SH3BGRL2: variants seen among roughly 807,000 people sequenced by gnomAD.
The protein encoded by SH3BGRL2 is SH3 domain-binding glutamic acid-rich-like protein 2.
SH3BGRL2 carries 21 observed loss-of-function variants against 14.8 expected under a neutral mutation model. The ratio of observed to expected loss-of-function variants is 1.42; its 90% CI spans 1.01 to 2.05. The LOEUF (loss-of-function observed/expected upper bound fraction) is 2.05, where lower values mean the gene tolerates loss of function less well. SH3BGRL2 is among the 30% of genes most tolerant of loss of function. SH3BGRL2 has a pLI of 0.00. For synonymous variants in SH3BGRL2, 50 were observed against 47.8 expected (o/e 1.05, Z -0.19); for missense variants, 147 against 130.8 (o/e 1.12, Z -0.61).
intron 1 of SH3BGRL2, among the ~76,000 whole-genome samples, chr6:79,638,822 T>G (rs1768976846): frequency 6.6e-6 from 1 of 152,212 alleles, no homozygotes; most frequent in Non-Finnish European, 1.5e-5. Flanking sequence ...TTTGGGTTCC[T>G]TGTATATTTT....
chr6:79,578,621 T>C, the SH3BGRL2 span, among the ~76,000 whole-genome samples: 1 of 152,054 alleles, frequency 6.6e-6, no homozygotes, highest in East Asian at 1.9e-4. Flanking sequence ...AAAAAGGCCA[T>C]CTACACCAGC....
At chr6:79,660,355 G>T (rs1769518062) in intron 1 of SH3BGRL2, among the ~76,000 whole-genome samples, 1 of 152,210 alleles carries the variant, frequency 6.6e-6, no homozygotes, top group Non-Finnish European at 1.5e-5. Context: ...GTGAAGGGCT[G>T]TTGAATTTTG....
chr6:79,649,254 G>A (rs1046313977), intron 1 of SH3BGRL2, among the ~76,000 whole-genome samples: 3 of 152,146 alleles, frequency 2.0e-5, no homozygotes. Flanking sequence ...GGGAATGTCA[G>A]CACACCACAT....
chr6:79,662,151 G>C (rs1388284823), intron 1 of SH3BGRL2, among the ~76,000 whole-genome samples: 4 of 152,016 alleles, frequency 2.6e-5, no homozygotes, highest in Non-Finnish European at 5.9e-5. Context: ...TTACATTTAA[G>C]GTTAATATTG....
At chr6:79,659,779 T>A (rs9361544) in intron 1 of SH3BGRL2, among the ~76,000 whole-genome samples, 1 of 152,122 alleles carries the variant, frequency 6.6e-6, no homozygotes, top group Admixed American at 6.6e-5. Context: ...GAGCATGGAA[T>A]GTTTTTTCAT....
At chr6:79,547,547 G>A in the SH3BGRL2 span, among the ~76,000 whole-genome samples, 2 of 152,036 alleles carry the variant, frequency 1.3e-5, no homozygotes, top group African/African-American at 2.4e-5. Flanking sequence ...AAGGGCCATC[G>A]CGTAAGAAGC....
intron 2 of SH3BGRL2, among the ~76,000 whole-genome samples, chr6:79,677,115 A>G (rs1278980390): frequency 6.6e-6 from 1 of 152,180 alleles, no homozygotes; most frequent in African/African-American, 2.4e-5. Flanking sequence ...TTAGAGGGCA[A>G]CTAACCACAG....
intron 2 of SH3BGRL2, among the ~76,000 whole-genome samples, chr6:79,676,142 C>T (rs1769878324): frequency 6.6e-6 from 1 of 152,186 alleles, no homozygotes; most frequent in East Asian, 1.9e-4. Flanking sequence ...CTCTGCCTGG[C>T]TATTGGAGTT....
intron 2 of SH3BGRL2, among the ~76,000 whole-genome samples, chr6:79,674,063 A>G (rs1387678281): frequency 6.6e-6 from 1 of 151,334 alleles, no homozygotes; most frequent in Non-Finnish European, 1.5e-5. Context: ...CTTTGGAAAC[A>G]GAAGTAGGAA....
At chr6:79,636,061 G>A (rs62413424) in intron 1 of SH3BGRL2, among the ~76,000 whole-genome samples, 120 of 152,272 alleles carry the variant, frequency 7.9e-4, no homozygotes, top group Non-Finnish European at 1.4e-3. Context: ...CTAATAACAC[G>A]AATGAGAGTA....
At chr6:79,679,988 A>G (rs1321696697) in intron 2 of SH3BGRL2, among the ~76,000 whole-genome samples, 1 of 152,138 alleles carries the variant, frequency 6.6e-6, no homozygotes, top group African/African-American at 2.4e-5. Flanking sequence ...GTAATCCCTT[A>G]TCAGCTATCT....
intron 1 of SH3BGRL2, among the ~76,000 whole-genome samples, chr6:79,637,691 TA>T (rs906737688): frequency 2.4e-3 from 319 of 134,826 alleles, no homozygotes; most frequent in Middle Eastern, 7.6e-3. Context: ...AAACTCCTTC[TA>T]AAAAAAAAAA....
chr6:79,608,357 A>C, the SH3BGRL2 span, among the ~76,000 whole-genome samples: 1 of 152,202 alleles, frequency 6.6e-6, no homozygotes, highest in Non-Finnish European at 1.5e-5. Context: ...CAGCACCTGG[A>C]CCAAGATGTA....
At chr6:79,594,688 C>A in the SH3BGRL2 span, among the ~76,000 whole-genome samples, 1 of 152,112 alleles carries the variant, frequency 6.6e-6, no homozygotes, top group Non-Finnish European at 1.5e-5. Flanking sequence ...TTATCAGGAG[C>A]TCCTCAAGAG....
the SH3BGRL2 span, among the ~76,000 whole-genome samples, chr6:79,538,018 GTT>G: frequency 1.3e-3 from 59 of 44,134 alleles, no homozygotes; most frequent in African/African-American, 3.7e-3. Flanking sequence ...TTGCACACAA[GTT>G]TTTTTTTTTT....
chr6:79,686,056 C>A (rs1314798785), intron 2 of SH3BGRL2, among the ~76,000 whole-genome samples: 1 of 152,164 alleles, frequency 6.6e-6, no homozygotes, highest in Non-Finnish European at 1.5e-5. Flanking sequence ...AGATTTAAAA[C>A]CAAGTTCCCC....
At position 79,699,533 on chromosome 6, in the gene SH3BGRL2, A is replaced by C. The variant is rs1490111975; in HGVS notation, c.*24A>C. On this transcript the variant is annotated 3_prime_UTR_variant, in exon 4 of 4. Coordinates refer to ENST00000369838, the MANE Select transcript of SH3BGRL2 (RefSeq NM_031469.4). ...AGAGAAGAAGAGTGGAAGATGACGG[A>C]GATGCATTTTGAAGCACCCCTGGTA... 1 of 1,474,862 alleles carries C rather than the reference A, an allele frequency of 6.8e-7. No homozygotes were observed. Among genetic ancestry groups the C allele is most frequent in the African/African-American group, 1.6e-5 (1 of 61,866 alleles). 91.4% of individuals were successfully genotyped at this position (1,474,862 alleles called of 1,614,324 possible). A position where few individuals can be genotyped will look rare whatever the true frequency, so the allele number is the denominator to read the frequency against.
chr6:79,572,702 T>C, the SH3BGRL2 span, among the ~76,000 whole-genome samples: 1 of 152,106 alleles, frequency 6.6e-6, no homozygotes, highest in South Asian at 2.1e-4. Flanking sequence ...CCTGACCTCG[T>C]GATCCGCCCG....
chr6:79,594,940 G>T, the SH3BGRL2 span, among the ~76,000 whole-genome samples: 1 of 152,286 alleles, frequency 6.6e-6, no homozygotes, highest in Non-Finnish European at 1.5e-5. Context: ...AGATCTCCAA[G>T]ATACAAACCA....
Sources: gnomAD v4.1 joint callset for allele counts (sites outside exome capture counted in the v4.1 genomes callset) on GRCh38, gnomAD v4.1.1 for gene constraint, MANE v1.5 for transcripts, NCBI Gene and HGNC (gene_info 2026-07-23, HGNC 2026-07-21) for gene names.